The following CLEC16A variants were observed in gnomAD, a reference collection of about 807,000 sequenced individuals.
CLEC16A encodes C-type lectin domain containing 16A.
In CLEC16A, 51 loss-of-function variants were observed where a neutral mutation model predicts 109.5. The ratio of observed to expected loss-of-function variants is 0.47; its 90% CI spans 0.37 to 0.59. The LOEUF (loss-of-function observed/expected upper bound fraction) is 0.59. CLEC16A is among the 20% of genes least tolerant of loss of function. The probability of loss-of-function intolerance (pLI) is 0.00; values close to 1 mark genes in which losing one functional copy is unlikely to be tolerated. For synonymous variants in CLEC16A, 673 were observed against 564.2 expected, an observed-to-expected ratio of 1.19 and a Z score of -2.73; for missense variants, 1,339 against 1,394.0, an observed-to-expected ratio of 0.96 and a Z score of 0.63.
chr16:10,973,241 C>T (rs1048769656), intron 7 of CLEC16A, among the ~76,000 whole-genome samples, 180 bp downstream of exon 7: 5 of 152,202 alleles, frequency 3.3e-5, no homozygotes, highest in Non-Finnish European at 1.5e-5. Flanking sequence ...ATGCTGGAAA[C>T]AACTCAGACG....
chr16:11,064,160 A>T (rs531244898), intron 19 of CLEC16A, among the ~76,000 whole-genome samples: 2 of 152,338 alleles, frequency 1.3e-5, no homozygotes, highest in Non-Finnish European at 2.9e-5. Context: ...CCACCCACCC[A>T]CACAGTGTAT....
At chr16:11,064,505 G>A (rs1450966704) in intron 19 of CLEC16A, among the ~76,000 whole-genome samples, 1 of 152,196 alleles carries the variant, frequency 6.6e-6, no homozygotes, top group African/African-American at 2.4e-5. Context: ...GGCTGGATGT[G>A]GTGACTCACA....
chr16:11,178,096 A>G lies in CLEC16A; in HGVS notation c.2807-239A>G, dbSNP rs957541980. Among the ~76,000 whole-genome samples the G allele has an allele frequency of 2.6e-5, 4 of 152,060 alleles. No homozygotes were observed. Among genetic ancestry groups the G allele is most frequent in the African/African-American group, 9.7e-5 (4 of 41,396 alleles). On this transcript the variant is annotated intron_variant, in intron 23 of 23. Transcript: ENST00000409790. This position sits in a 1 kb window ranked among gnomAD's most constrained non-coding sequence, Gnocchi z 6.5. ...TGCACAGGCCCTGAATTTTCCCCTCATATCACAAGTCAGGGTAACCCTAGG... is the reference window on the plus strand; with the variant it reads ...TGCACAGGCCCTGAATTTTCCCCTCGTATCACAAGTCAGGGTAACCCTAGG...
chr16:11,159,197 C>G (rs1367653876), intron 22 of CLEC16A, among the ~76,000 whole-genome samples: 2 of 152,206 alleles, frequency 1.3e-5, no homozygotes, highest in Non-Finnish European at 2.9e-5. Flanking sequence ...CTGATTTGCC[C>G]CAGTCTCTAC....
intron 19 of CLEC16A, among the ~76,000 whole-genome samples, chr16:11,071,745 CCTGG>C (rs2049084010): frequency 6.9e-6 from 1 of 144,826 alleles, no homozygotes; most frequent in Non-Finnish European, 1.5e-5. Context: ...CACCACCACA[CCTGG>C]CTGATTTTTT....
chr16:11,156,134 G>C (rs1018927139), intron 22 of CLEC16A, among the ~76,000 whole-genome samples: 6 of 152,160 alleles, frequency 3.9e-5, no homozygotes, highest in African/African-American at 1.4e-4. Context: ...GGCCAAGACG[G>C]CTGGATCACC....
intron 22 of CLEC16A, among the ~76,000 whole-genome samples, chr16:11,154,983 T>G (rs2054450956): frequency 2.0e-5 from 3 of 151,140 alleles, no homozygotes. Context: ...ATTACCCAGG[T>G]GTGGTGGTGT....
At chr16:11,165,490 G>A (rs1428107201) in intron 22 of CLEC16A, among the ~76,000 whole-genome samples, 4 of 151,994 alleles carry the variant, frequency 2.6e-5, no homozygotes, top group African/African-American at 7.2e-5. Context: ...AAACCCTATC[G>A]CAAAAAAACA....
At chr16:11,145,724 C>T (rs2054025756) in intron 22 of CLEC16A, among the ~76,000 whole-genome samples, 1 of 152,280 alleles carries the variant, frequency 6.6e-6, no homozygotes, top group Non-Finnish European at 1.5e-5. Flanking sequence ...GACTCCTGAC[C>T]TTGGCCAAGC....
chr16:11,168,108 C>A (rs936400141), intron 23 of CLEC16A, among the ~76,000 whole-genome samples: 1 of 152,270 alleles, frequency 6.6e-6, no homozygotes, highest in African/African-American at 2.4e-5. Flanking sequence ...AAAGTTAACA[C>A]CGGCAAAGAC....
chr16:11,025,963 A>C (rs1273403672), intron 13 of CLEC16A, among the ~76,000 whole-genome samples: 1 of 152,204 alleles, frequency 6.6e-6, no homozygotes, highest in Admixed American at 6.5e-5. Flanking sequence ...CTTAGCTGTA[A>C]ATGGAGATAC....
chr16:10,977,845 GCTTTC>G lies in CLEC16A; in HGVS notation c.903+464_903+468del, dbSNP rs886949909. Among the ~76,000 whole-genome samples, 23 of 152,244 alleles carry G rather than the reference GCTTTC, an allele frequency of 1.5e-4. No individual in the cohort carries two copies. The South Asian group carries it at 2.1e-3, about 14-fold the overall frequency. ...GGGAGATTCCTTTCAAAGCACACTG[GCTTTC>G]CTTTCCTTTCCTTTCCTCTTATTTC... On this transcript the variant is annotated intron_variant, in intron 8 of 23. Coordinates refer to ENST00000409790, the MANE Select transcript of CLEC16A (RefSeq NM_015226.3).
rs34036131 is a variant in CLEC16A, at chr16:11,134,182, ATTTTT to A, written c.2641+8054_2641+8058del. Among the ~76,000 whole-genome samples, 7 of 124,062 alleles carry A rather than the reference ATTTTT, an allele frequency of 5.6e-5. No homozygotes were observed. The East Asian group carries it at 6.9e-4, about 12-fold the overall frequency. 81.4% of individuals were successfully genotyped at this position (124,062 alleles called of 152,430 possible). On this transcript the variant is annotated intron_variant, in intron 22 of 23. Coordinates refer to ENST00000409790, the MANE Select transcript of CLEC16A (RefSeq NM_015226.3). ...AGCTAATGTGAATTCCCCTTTTCTG[ATTTTT>A]TTTTTTTTTTTTTTTTTGAAAGAAG...
chr16:10,972,360 G>A (rs1245866668), intron 5 of CLEC16A, 194 bp from the exon 6 acceptor site: 3 of 587,462 alleles, frequency 5.1e-6, no homozygotes, highest in Non-Finnish European at 9.2e-6. Context: ...CCTGGTCCAA[G>A]CCACAGTTGG....
rs556038938 is a variant in CLEC16A at position 11,049,149 on chromosome 16, A to C, written c.1866+1807A>C. 2.0e-4 allele frequency among the ~76,000 whole-genome samples: 30 copies of C among 152,064 alleles called. No homozygotes were observed. The South Asian group carries it at 3.5e-3, about 18-fold the overall frequency. ...CAGCCTCCCGAGTAGCTGGGATTAC[A>C]GGCGCCCACTACTACGCCCAGCTAA... is the stretch of plus-strand genomic sequence containing the variant. On this transcript the variant is annotated intron_variant, in intron 17 of 23. Coordinates refer to ENST00000409790, the MANE Select transcript of CLEC16A (RefSeq NM_015226.3).
intron 10 of CLEC16A, among the ~76,000 whole-genome samples, chr16:10,999,800 G>T (rs2044555958): frequency 1.3e-5 from 2 of 151,944 alleles, no homozygotes. Flanking sequence ...TGTGTTGGAT[G>T]TTCACCGTTT....
At chr16:10,951,659 T>C (rs1281639906) in intron 1 of CLEC16A, among the ~76,000 whole-genome samples, 1 of 152,214 alleles carries the variant, frequency 6.6e-6, no homozygotes, top group African/African-American at 2.4e-5. Flanking sequence ...CTGGCAGTAA[T>C]AGGAAGCTTC....
chr16:11,008,254 G>A (rs929956190), intron 11 of CLEC16A, among the ~76,000 whole-genome samples: 2 of 152,012 alleles, frequency 1.3e-5, no homozygotes, highest in South Asian at 2.1e-4. Context: ...TGCTGTGATC[G>A]CTGGAATATG....
In CLEC16A at chr16:11,150,934, G is replaced by A. The variant is rs188299965; in HGVS notation, c.2642-15454G>A. ...TTCATCTTCACGTGATGTTCTACCT[G>A]TGTGAAAATCTGCGTCCAAATTTTC... On this transcript the variant is annotated intron_variant, in intron 22 of 23. Coordinates refer to ENST00000409790, the MANE Select transcript of CLEC16A (RefSeq NM_015226.3). 2.1e-3 allele frequency among the ~76,000 whole-genome samples: 327 copies of A among 152,292 alleles called. 2 individuals are homozygous for A. The highest frequency in any genetic ancestry group is 7.4e-3 in the African/African-American group (306 of 41,556).
Sources: gnomAD v4.1 joint callset for allele counts (sites outside exome capture counted in the v4.1 genomes callset) on GRCh38, gnomAD v4.1.1 for gene constraint, Gnocchi (gnomAD v3.1) non-coding constraint, MANE v1.5 for transcripts, NCBI Gene and HGNC (gene_info 2026-07-23, HGNC 2026-07-21) for gene names.